C8B: variants seen among roughly 807,000 people sequenced by gnomAD.
The protein encoded by C8B is complement C8 beta chain.
C8B carries 67 observed loss-of-function variants against 64.6 expected under a neutral mutation model. That is an observed-to-expected ratio of 1.04 (90% CI 0.85 to 1.27). The LOEUF (loss-of-function observed/expected upper bound fraction) is 1.27, where lower values mean the gene tolerates loss of function less well. Among genes scored for constraint, C8B ranks in the 50% most tolerant of loss-of-function variants. The pLI is 0.00. For missense variants in C8B, 790 were observed against 725.2 expected (o/e 1.09, Z -1.03); for synonymous variants, 284 against 257.7 (o/e 1.10, Z -0.98).
intron 9 of C8B, among the ~76,000 whole-genome samples, chr1:56,934,533 C>T (rs1476477565): frequency 6.6e-6 from 1 of 152,184 alleles, no homozygotes; most frequent in Non-Finnish European, 1.5e-5. Context: ...CCAGGTTCCT[C>T]TCCAGCTTTT....
In C8B at chr1:56,949,889, G is replaced by A. The variant is rs555979595; in HGVS notation, c.667-137C>T. 11 of 692,190 alleles carry A rather than the reference G, an allele frequency of 1.6e-5. 1 individual carries two copies. Among genetic ancestry groups the A allele is most frequent in the East Asian group, 8.1e-5 (3 of 36,868 alleles). The allele number at this position is 692,190 out of a possible 1,614,324, so 42.9% of individuals were successfully genotyped here. A position where few individuals can be genotyped will look rare whatever the true frequency, so the allele number is the denominator to read the frequency against. Reference sequence around the variant, plus strand: ...CTCTGGATACAGAGAAATCAGGGCCGATTTGTGTCCCCACCTCAGGGCTCT... The same window carrying A: ...CTCTGGATACAGAGAAATCAGGGCCAATTTGTGTCCCCACCTCAGGGCTCT... On this transcript the variant is annotated intron_variant, in intron 5 of 11. Transcript: ENST00000371237.
chr1:56,954,107 C>G (rs1645064996), intron 4 of C8B, among the ~76,000 whole-genome samples: 1 of 152,108 alleles, frequency 6.6e-6, no homozygotes, highest in East Asian at 1.9e-4. Context: ...TGAGAAGATG[C>G]AAAATATGGC....
At chr1:56,935,290 T>C (rs1345999704) in intron 9 of C8B, among the ~76,000 whole-genome samples, 2 of 152,226 alleles carry the variant, frequency 1.3e-5, no homozygotes, top group African/African-American at 4.8e-5. Context: ...AATTTCCTTT[T>C]TAAACTTAAT....
intron 1 of C8B, among the ~76,000 whole-genome samples, chr1:56,964,286 C>T (rs77722293): frequency 0.019 from 2,945 of 152,266 alleles, 99 homozygotes; most frequent in African/African-American, 0.068. Flanking sequence ...TCCTTTGCTT[C>T]AACTCTTCAA....
rs1553120321 is a variant in C8B at position 56,965,398 on chromosome 1, A to AGAGAGTGTGT, written c.92+458_92+459insACACACTCTC. ...GGGGGTGAGAGAGAGAGAGAGAGAG[A>AGAGAGTGTGT]GTGTGTGTGTGTGTGTGTGTGTGTG... On this transcript the variant is annotated intron_variant, in intron 1 of 11. Coordinates refer to ENST00000371237, the MANE Select transcript of C8B (RefSeq NM_000066.4). Among the ~76,000 whole-genome samples the AGAGAGTGTGT allele has an allele frequency of 4.5e-4, 64 of 142,678 alleles. 2 individuals carry two copies. The highest frequency in any genetic ancestry group is 1.6e-3 in the African/African-American group (59 of 37,694). 93.6% of individuals were successfully genotyped at this position (142,678 alleles called of 152,430 possible).
intron 2 of C8B, among the ~76,000 whole-genome samples, chr1:56,957,796 T>C (rs1160811962): frequency 6.6e-6 from 1 of 152,100 alleles, no homozygotes; most frequent in Non-Finnish European, 1.5e-5. Flanking sequence ...TGCAGCACAG[T>C]GCAATGAGTG....
chr1:56,937,199 G>A (rs1157262112), intron 9 of C8B, among the ~76,000 whole-genome samples: 1 of 152,170 alleles, frequency 6.6e-6, no homozygotes, highest in African/African-American at 2.4e-5. Flanking sequence ...TGAGAAGAGA[G>A]TGTCACTTCA....
At chr1:56,941,567 A>G (rs937175954) in intron 8 of C8B, among the ~76,000 whole-genome samples, 3 of 152,158 alleles carry the variant, frequency 2.0e-5, no homozygotes, top group Admixed American at 2.0e-4. Context: ...ACAGACAGAC[A>G]CACAGACAGG....
chr1:56,943,196 T>A (rs1488638828), intron 8 of C8B, among the ~76,000 whole-genome samples: 2 of 152,170 alleles, frequency 1.3e-5, no homozygotes, highest in Non-Finnish European at 2.9e-5. Flanking sequence ...CTTAGCACTA[T>A]CTAGTCAAAT....
At chr1:56,952,886 C>T (rs550157224) in intron 4 of C8B, among the ~76,000 whole-genome samples, 7 of 152,288 alleles carry the variant, frequency 4.6e-5, no homozygotes, top group Middle Eastern at 3.4e-3. Flanking sequence ...CTACTTGGTC[C>T]GCGATAAATG....
chr1:56,949,539 A>T lies in C8B; in HGVS notation c.864+16T>A. The T allele has an allele frequency of 6.2e-7, 1 of 1,608,232 alleles. No homozygotes were observed. The highest frequency in any genetic ancestry group is 8.5e-7 in the Non-Finnish European group (1 of 1,174,772). ...AAGACAACATATACGTTTAAAAGCA[A>T]CAAAGACATACTTACAGTATGAGAG... On this transcript the variant is annotated intron_variant, in intron 6 of 11. Transcript: ENST00000371237.
At chr1:56,950,664 T>C (rs1232387495) in intron 5 of C8B, among the ~76,000 whole-genome samples, 1 of 152,226 alleles carries the variant, frequency 6.6e-6, no homozygotes, top group South Asian at 2.1e-4. Context: ...TGAGATGCGC[T>C]GTGTCTCTGC....
chr1:56,955,729 A>G (rs1645093318), intron 3 of C8B, among the ~76,000 whole-genome samples: 1 of 152,224 alleles, frequency 6.6e-6, no homozygotes, highest in South Asian at 2.1e-4. Context: ...TCTCAGATTT[A>G]TTGGATAGAA....
intron 1 of C8B, among the ~76,000 whole-genome samples, chr1:56,963,008 C>A (rs1412572637): frequency 2.6e-5 from 4 of 152,148 alleles, no homozygotes; most frequent in African/African-American, 9.7e-5. Context: ...TATTCCTTCT[C>A]TTTTTGAGGG....
At chr1:56,932,153 A>G (rs150016596) in intron 10 of C8B, among the ~76,000 whole-genome samples, 90 of 152,320 alleles carry the variant, frequency 5.9e-4, no homozygotes, top group African/African-American at 2.1e-3. Context: ...AAATGCTTTC[A>G]GTGTCAGAAG....
At chr1:56,965,221 C>T (rs1014572147) in intron 1 of C8B, among the ~76,000 whole-genome samples, 1 of 152,162 alleles carries the variant, frequency 6.6e-6, no homozygotes, top group African/African-American at 2.4e-5. Context: ...CACGGAGCAT[C>T]CCCACATTGC....
rs545076377 is a variant in C8B, at chr1:56,931,081, G to A, written c.1621+729C>T. Among the ~76,000 whole-genome samples, 12 of 152,244 alleles carry A rather than the reference G, an allele frequency of 7.9e-5. No individual in the cohort carries two copies. The South Asian group carries it at 2.3e-3, about 29-fold the overall frequency. On this transcript the variant is annotated intron_variant, in intron 11 of 11. Transcript: ENST00000371237. ...ATAGTAAAGTGTCCAGTAAATGTTC[G>A]TTGTTTGTTTTACATGTGCCATTTC...
intron 9 of C8B, among the ~76,000 whole-genome samples, chr1:56,940,207 T>C (rs1054500030): frequency 6.6e-6 from 1 of 152,174 alleles, no homozygotes; most frequent in Non-Finnish European, 1.5e-5. Flanking sequence ...ATAAAAGGAA[T>C]ATTAATTTAA....
At chr1:56,939,530 C>T (rs2101379822) in intron 9 of C8B, among the ~76,000 whole-genome samples, 1 of 152,262 alleles carries the variant, frequency 6.6e-6, no homozygotes, top group South Asian at 2.1e-4. Flanking sequence ...TAGGTACTGG[C>T]CCATAATGAC....
Sources: gnomAD v4.1 joint callset for allele counts (sites outside exome capture counted in the v4.1 genomes callset) on GRCh38, gnomAD v4.1.1 for gene constraint, MANE v1.5 for transcripts, NCBI Gene and HGNC (gene_info 2026-07-23, HGNC 2026-07-21) for gene names.